LINC00305: variants seen among roughly 807,000 people sequenced by gnomAD.
LINC00305 encodes long independently transcribed non-coding RNA 305.
At chr18:64,098,943 G>A (rs2051257710) in intron 1 of LINC00305, among the ~76,000 whole-genome samples, 1 of 152,140 alleles carries the variant, frequency 6.6e-6, no homozygotes, top group Non-Finnish European at 1.5e-5. Flanking sequence ...ATGTAAGGAA[G>A]GAGAAAGACC....
chr18:64,107,380 C>T (rs771702688), intron 1 of LINC00305, among the ~76,000 whole-genome samples: 32 of 152,048 alleles, frequency 2.1e-4, no homozygotes, highest in Non-Finnish European at 4.6e-4. Context: ...TATGTGTTTC[C>T]CATAAAGGTG....
chr18:64,118,347 C>T (rs2051346936), intron 1 of LINC00305, among the ~76,000 whole-genome samples: 1 of 152,166 alleles, frequency 6.6e-6, no homozygotes, highest in South Asian at 2.1e-4. Context: ...CAGTATTTAA[C>T]TTGCTTGAGG....
chr18:64,137,258 G>T (rs2051439198), intron 1 of LINC00305, among the ~76,000 whole-genome samples: 1 of 152,132 alleles, frequency 6.6e-6, no homozygotes, highest in African/African-American at 2.4e-5. Flanking sequence ...GGCAAAGAAG[G>T]ATCTTTCGCT....
chr18:64,088,006 C>T (rs945077683), intron 3 of LINC00305, among the ~76,000 whole-genome samples: 12 of 152,072 alleles, frequency 7.9e-5, no homozygotes, highest in Non-Finnish European at 1.2e-4. Flanking sequence ...GCCTGTAGTC[C>T]CAGCTACCTG....
At chr18:64,143,851 CATA>C (rs1407571589) in intron 1 of LINC00305, among the ~76,000 whole-genome samples, 1 of 151,434 alleles carries the variant, frequency 6.6e-6, no homozygotes, top group African/African-American at 2.4e-5. Flanking sequence ...TGTATACATA[CATA>C]CATACATACA....
In LINC00305 at chr18:64,087,026, C is replaced by CA. The variant is rs144966560; in HGVS notation, n.541-6625dup. Among the ~76,000 whole-genome samples the CA allele has an allele frequency of 2.3e-3, 353 of 152,154 alleles. 2 individuals are homozygous for CA. In the Middle Eastern group the frequency reaches 0.034, roughly 15 times the overall value. On this transcript the variant is annotated intron_variant and non_coding_transcript_variant, in intron 3 of 3. Transcript: ENST00000666468. ...ATAATGTGGCAATTATGATATTACTCAAAAAGAATTCTGATCCAAATATTG... is the reference window on the plus strand; with the variant it reads ...ATAATGTGGCAATTATGATATTACTCAAAAAAGAATTCTGATCCAAATATTG...
At chr18:64,106,735 T>A (rs2051292493) in intron 1 of LINC00305, among the ~76,000 whole-genome samples, 1 of 151,974 alleles carries the variant, frequency 6.6e-6, no homozygotes, top group Admixed American at 6.6e-5. Context: ...TTCCAGTGAG[T>A]CAAGGAGCAG....
In LINC00305 at chr18:64,086,091, G is replaced by A. The variant is rs992498797; in HGVS notation, n.541-5689C>T. Among the ~76,000 whole-genome samples the A allele has an allele frequency of 4.6e-5, 7 of 152,190 alleles. No individual in the cohort carries two copies. In the South Asian group the frequency reaches 6.2e-4, roughly 14 times the overall value. On this transcript the variant is annotated intron_variant and non_coding_transcript_variant, in intron 3 of 3. Transcript: ENST00000666468. ...TATAAACTGGAATCCTATAATGCAC[G>A]CAAAGTTAGGATTGACTAAAGTGCA...
At chr18:64,099,899 G>A (rs140235884) in intron 1 of LINC00305, among the ~76,000 whole-genome samples, 11 of 152,228 alleles carry the variant, frequency 7.2e-5, no homozygotes, top group Admixed American at 1.3e-4. Context: ...CATACATACA[G>A]CTTTTCGGAA....
At chr18:64,130,445 A>C in intron 1 of LINC00305, among the ~76,000 whole-genome samples, 1 of 152,090 alleles carries the variant, frequency 6.6e-6, no homozygotes. Flanking sequence ...CACCTGTTCT[A>C]CCTTTTCAGT....
intron 1 of LINC00305, among the ~76,000 whole-genome samples, chr18:64,140,590 G>A (rs538747252): frequency 5.3e-5 from 8 of 152,210 alleles, no homozygotes; most frequent in African/African-American, 1.7e-4. Context: ...TAAAATGAAC[G>A]CTCCTTGAGG....
At position 64,137,364 on chromosome 18, in the gene LINC00305, G is replaced by A. The variant is rs75260314; in HGVS notation, n.314+11411C>T. ...GAACACATTTCTGTTATTTTAAGCC[G>A]CCCAGTTTGTGGCACTTTGTTAGGA... is the stretch of plus-strand genomic sequence containing the variant. On this transcript the variant is annotated intron_variant and non_coding_transcript_variant, in intron 1 of 3. Transcript: ENST00000666468. Among the ~76,000 whole-genome samples the A allele has an allele frequency of 1.7e-3, 261 of 152,276 alleles. 1 individual carries two copies. The highest frequency in any genetic ancestry group is 6.8e-3 in the Middle Eastern group (2 of 294).
chr18:64,095,279 T>C (rs112907851), intron 3 of LINC00305, among the ~76,000 whole-genome samples: 10,316 of 152,196 alleles, frequency 0.068, 519 homozygotes, highest in Non-Finnish European at 0.11. Context: ...CAAGGATGTG[T>C]AAATAGAAAA....
intron 2 of LINC00305, chr18:64,098,049 C>T (rs973749354): frequency 1.3e-5 from 6 of 454,208 alleles, no homozygotes; most frequent in African/African-American, 1.0e-4. Context: ...TAACCAACAA[C>T]AAAATTAAAG....
intron 1 of LINC00305, among the ~76,000 whole-genome samples, chr18:64,114,430 G>A (rs113081408): frequency 7.9e-5 from 12 of 152,308 alleles, no homozygotes; most frequent in African/African-American, 2.6e-4. Context: ...TTCCGGGTGT[G>A]CTATGAGTCA....
intron 1 of LINC00305, among the ~76,000 whole-genome samples, chr18:64,136,269 A>G (rs1181516475): frequency 2.0e-5 from 3 of 152,196 alleles, no homozygotes; most frequent in African/African-American, 7.2e-5. Context: ...CCACACTGGA[A>G]AAATCTTGGC....
chr18:64,113,118 G>A (rs1404679146), intron 1 of LINC00305, among the ~76,000 whole-genome samples: 2 of 152,176 alleles, frequency 1.3e-5, no homozygotes, highest in Non-Finnish European at 2.9e-5. Flanking sequence ...TGGTCTTTCC[G>A]TTCTTGCACG....
chr18:64,141,098 A>C (rs1198216074), intron 1 of LINC00305, among the ~76,000 whole-genome samples: 1 of 151,278 alleles, frequency 6.6e-6, no homozygotes, highest in Non-Finnish European at 1.5e-5. Context: ...CTGGAGCCTG[A>C]AGAAGAGTGC....
chr18:64,133,562 A>G (rs2051419463), intron 1 of LINC00305, among the ~76,000 whole-genome samples: 1 of 152,138 alleles, frequency 6.6e-6, no homozygotes, highest in Non-Finnish European at 1.5e-5. Flanking sequence ...CCAGAAACGA[A>G]TTCCTTTCTA....
Sources: gnomAD v4.1 joint callset for allele counts (sites outside exome capture counted in the v4.1 genomes callset) on GRCh38, gnomAD v4.1.1 for gene constraint, MANE v1.5 for transcripts, NCBI Gene and HGNC (gene_info 2026-07-23, HGNC 2026-07-21) for gene names.